CTNNA2: variants seen among roughly 807,000 people sequenced by gnomAD.
CTNNA2 encodes the protein catenin alpha 2, also known as catenin alpha-2.
In CTNNA2, 42 loss-of-function variants were observed where a neutral mutation model predicts 101.0. The observed-to-expected ratio is 0.42, with a 90% CI of 0.32 to 0.54. The LOEUF (loss-of-function observed/expected upper bound fraction) is 0.54, where lower values mean the gene tolerates loss of function less well. CTNNA2 is among the 20% of genes least tolerant of loss of function. CTNNA2 has a pLI of 0.14. For synonymous variants in CTNNA2, 450 were observed against 456.4 expected (o/e 0.99, Z 0.18); for missense variants, 871 against 1,223.1 (o/e 0.71, Z 4.29).
chr2:79,487,571 G>A (rs559324270), intron 4 of CTNNA2, among the ~76,000 whole-genome samples: 11 of 152,308 alleles, frequency 7.2e-5, no homozygotes, highest in African/African-American at 2.6e-4. Context: ...AACTCACAGA[G>A]GCCACGTGCA....
chr2:80,053,827 T>G (rs1697039100), intron 7 of CTNNA2, among the ~76,000 whole-genome samples: 1 of 152,246 alleles, frequency 6.6e-6, no homozygotes, highest in African/African-American at 2.4e-5. Flanking sequence ...TTCCAGTCTT[T>G]ATTTTTTCAG....
intron 4 of CTNNA2, among the ~76,000 whole-genome samples, chr2:79,499,671 A>C (rs930980110): frequency 6.6e-6 from 1 of 152,116 alleles, no homozygotes; most frequent in Non-Finnish European, 1.5e-5. Flanking sequence ...CACACTGGCT[A>C]TAGTATCCCA....
chr2:79,420,351 A>G (rs1190731979), intron 4 of CTNNA2, among the ~76,000 whole-genome samples: 1 of 152,196 alleles, frequency 6.6e-6, no homozygotes, highest in African/African-American at 2.4e-5. Flanking sequence ...TCATCTTACA[A>G]AAATATAATT....
intron 3 of CTNNA2, among the ~76,000 whole-genome samples, chr2:79,833,769 C>A (rs1280939369): frequency 6.6e-6 from 1 of 152,162 alleles, no homozygotes; most frequent in Admixed American, 6.6e-5. Flanking sequence ...GCAGTCTTGC[C>A]ATGAAGAATC....
intron 2 of CTNNA2, among the ~76,000 whole-genome samples, chr2:79,204,170 C>A (rs1674071468): frequency 6.6e-6 from 1 of 152,220 alleles, no homozygotes; most frequent in African/African-American, 2.4e-5. Flanking sequence ...AATGAGGACA[C>A]AGAGGTCCCA....
At chr2:79,811,484 C>A (rs889010857) in intron 3 of CTNNA2, among the ~76,000 whole-genome samples, 3 of 152,140 alleles carry the variant, frequency 2.0e-5, no homozygotes, top group Non-Finnish European at 4.4e-5. Flanking sequence ...TGCCTGTCCA[C>A]TCAGATGGTA....
chr2:80,279,752 G>A (rs1375317792), intron 7 of CTNNA2, among the ~76,000 whole-genome samples: 1 of 152,142 alleles, frequency 6.6e-6, no homozygotes, highest in South Asian at 2.1e-4. Flanking sequence ...GCCCAAGTGA[G>A]AGGCAGTGGT....
intron 2 of CTNNA2, among the ~76,000 whole-genome samples, chr2:79,706,236 G>A (rs770074307): frequency 1.6e-4 from 25 of 151,834 alleles, no homozygotes; most frequent in Non-Finnish European, 2.2e-4. Context: ...GGTGGCGGGC[G>A]CCTGTAGTCC....
chr2:79,507,461 C>T (rs1262983336), intron 5 of CTNNA2, among the ~76,000 whole-genome samples: 2 of 152,060 alleles, frequency 1.3e-5, no homozygotes, highest in Non-Finnish European at 2.9e-5. Context: ...CCTGATCTCT[C>T]GGTTGCTGTC....
chr2:80,576,895 G>A (rs1695102656), intron 13 of CTNNA2, among the ~76,000 whole-genome samples: 1 of 151,958 alleles, frequency 6.6e-6, no homozygotes, highest in African/African-American at 2.4e-5. Flanking sequence ...GAACCTGGGA[G>A]GCGGAGGTTA....
At chr2:80,032,977 C>G (rs1695392707) in intron 7 of CTNNA2, among the ~76,000 whole-genome samples, 1 of 151,636 alleles carries the variant, frequency 6.6e-6, no homozygotes, top group Non-Finnish European at 1.5e-5. Flanking sequence ...ATGGTGAAAC[C>G]CCATCTCTAC....
intron 2 of CTNNA2, among the ~76,000 whole-genome samples, chr2:79,655,396 A>T (rs1681539505): frequency 6.6e-6 from 1 of 152,204 alleles, no homozygotes; most frequent in South Asian, 2.1e-4. Flanking sequence ...TGTGTAATTT[A>T]TGAGAAGGAT....
chr2:80,390,121 T>A (rs948744356), intron 7 of CTNNA2, among the ~76,000 whole-genome samples: 2 of 152,232 alleles, frequency 1.3e-5, no homozygotes, highest in Admixed American at 1.3e-4. Context: ...TGCCTTCTTG[T>A]CTACATGACT....
intron 9 of CTNNA2, among the ~76,000 whole-genome samples, chr2:80,517,407 G>A (rs1442338282): frequency 2.0e-5 from 3 of 152,176 alleles, no homozygotes; most frequent in Non-Finnish European, 4.4e-5. Flanking sequence ...CCAAGAATTT[G>A]CCTTGTCTGT....
chr2:80,118,424 A>G (rs1440462962), intron 7 of CTNNA2, among the ~76,000 whole-genome samples: 2 of 152,182 alleles, frequency 1.3e-5, no homozygotes, highest in African/African-American at 4.8e-5. Flanking sequence ...GAAATCAGAA[A>G]CTTTATGAAT....
chr2:80,282,915 G>A (rs1079319), intron 7 of CTNNA2, among the ~76,000 whole-genome samples: 1 of 151,916 alleles, frequency 6.6e-6, no homozygotes, highest in Non-Finnish European at 1.5e-5. Context: ...GATATTAAAA[G>A]GAGAAGATAT....
chr2:79,980,410 A>G (rs370598939), intron 7 of CTNNA2, among the ~76,000 whole-genome samples: 11 of 152,260 alleles, frequency 7.2e-5, no homozygotes, highest in African/African-American at 2.4e-4. Context: ...TACTGGTAAT[A>G]TCAACCTCAT....
At chr2:80,226,649 C>T (rs1452817878) in intron 7 of CTNNA2, among the ~76,000 whole-genome samples, 1 of 152,158 alleles carries the variant, frequency 6.6e-6, no homozygotes, top group Non-Finnish European at 1.5e-5. Flanking sequence ...CTCCACCCTA[C>T]TTTTTCCCTC....
intron 3 of CTNNA2, among the ~76,000 whole-genome samples, chr2:79,853,165 G>A (rs144224690): frequency 4.0e-5 from 6 of 151,222 alleles, no homozygotes; most frequent in African/African-American, 1.4e-4. Context: ...ACTGCACCTT[G>A]TTTTGTTTTT....
Sources: allele counts gnomAD v4.1 joint callset (sites outside exome capture counted in the v4.1 genomes callset), GRCh38; gene constraint gnomAD v4.1.1; transcripts MANE v1.5; gene names NCBI Gene and HGNC (gene_info 2026-07-23, HGNC 2026-07-21).